GRAMD1C: variants seen among roughly 807,000 people sequenced by gnomAD.
The protein encoded by GRAMD1C is protein Aster-C.
Under a neutral mutation model 97.8 loss-of-function variants are expected in GRAMD1C, and 89 were observed. The ratio of observed to expected loss-of-function variants is 0.91; its 90% CI spans 0.77 to 1.09. The LOEUF (loss-of-function observed/expected upper bound fraction) is 1.09. Ranked by LOEUF, GRAMD1C falls within the 50% of genes least tolerant of loss-of-function variation. The pLI is 0.00. For synonymous variants in GRAMD1C, 256 were observed against 267.0 expected (o/e 0.96, Z 0.40); for missense variants, 740 against 766.4 (o/e 0.97, Z 0.41).
chr3:113,843,097 C>T lies in GRAMD1C; in HGVS notation c.28-1406C>T, dbSNP rs1056081968. Reference sequence around the variant, plus strand: ...TTTTGTTCTTGTTGTTTGTTTGAGACAGGGTTTTGCTTTGCCGGCCAGCCT... The same window carrying T: ...TTTTGTTCTTGTTGTTTGTTTGAGATAGGGTTTTGCTTTGCCGGCCAGCCT... On this transcript the variant is annotated intron_variant, in intron 1 of 17. Coordinates refer to ENST00000358160, the MANE Select transcript of GRAMD1C (RefSeq NM_017577.5). Among the ~76,000 whole-genome samples, 5 of 89,062 alleles carry T rather than the reference C, an allele frequency of 5.6e-5. No individual in the cohort carries two copies. The Admixed American group carries it at 7.0e-4, about 12-fold the overall frequency. The allele number at this position is 89,062 out of a possible 152,430, so 58.4% of individuals were successfully genotyped here.
At chr3:113,848,067 G>A (rs1287212499) in intron 2 of GRAMD1C, among the ~76,000 whole-genome samples, 1 of 152,214 alleles carries the variant, frequency 6.6e-6, no homozygotes, top group Admixed American at 6.5e-5. Context: ...GTTCACTAAT[G>A]TAGAATAATT....
intron 2 of GRAMD1C, among the ~76,000 whole-genome samples, chr3:113,849,307 A>ATTTATTTT (rs1553715122): frequency 1.4e-5 from 2 of 140,936 alleles, no homozygotes; most frequent in African/African-American, 5.2e-5. Flanking sequence ...TTATTTATTT[A>ATTTATTTT]TTTTTTATTG....
chr3:113,850,844 C>A, intron 2 of GRAMD1C: 1 of 408,820 alleles, frequency 2.4e-6, no homozygotes, highest in Non-Finnish European at 4.0e-6. Flanking sequence ...CTCTGTCACC[C>A]AGGCAGGAGT....
At chr3:113,937,798 A>G (rs757000580) in intron 14 of GRAMD1C, among the ~76,000 whole-genome samples, 6 of 152,202 alleles carry the variant, frequency 3.9e-5, no homozygotes, top group Admixed American at 6.5e-5. Context: ...TGAGGTCAGG[A>G]GTTCGAGACC....
At chr3:113,928,273 C>T (rs1052598775) in intron 10 of GRAMD1C, among the ~76,000 whole-genome samples, 20 of 152,012 alleles carry the variant, frequency 1.3e-4, no homozygotes, top group African/African-American at 4.1e-4. Context: ...TTTGTGAGAG[C>T]GGCACACACG....
At chr3:113,830,187 A>C (rs1043219823) in intron 1 of GRAMD1C, among the ~76,000 whole-genome samples, 1 of 151,940 alleles carries the variant, frequency 6.6e-6, no homozygotes, top group Non-Finnish European at 1.5e-5. Context: ...GAAGCTGGCC[A>C]CTCCACCCTA....
Position 113,918,945 on chromosome 3 carries a change from G to A in GRAMD1C, c.1090+3107G>A, listed in dbSNP as rs373643688. ...TCCTGGCCTCAAATGATCCTCCCAC[G>A]TCAGCCTCCCAAAGTGCTGGGCAAG... On this transcript the variant is annotated intron_variant, in intron 10 of 17. Coordinates refer to ENST00000358160, the MANE Select transcript of GRAMD1C (RefSeq NM_017577.5). Among the ~76,000 whole-genome samples, 4 of 152,192 alleles carry A rather than the reference G, an allele frequency of 2.6e-5. No individual in the cohort carries two copies. The East Asian group carries it at 5.8e-4, about 22-fold the overall frequency.
At chr3:113,935,487 A>AAT (rs10554842) in intron 13 of GRAMD1C, among the ~76,000 whole-genome samples, 8,361 of 150,026 alleles carry the variant, frequency 0.056, 304 homozygotes, top group African/African-American at 0.1. Flanking sequence ...ACATGCGAGA[A>AAT]ATATATATAT....
intron 6 of GRAMD1C, among the ~76,000 whole-genome samples, chr3:113,894,803 G>T (rs778802938): frequency 1.5e-4 from 23 of 152,274 alleles, no homozygotes; most frequent in Non-Finnish European, 3.1e-4. Context: ...GATAGCATAT[G>T]TTAGATTCAG....
chr3:113,940,504 A>G (rs1314843050), intron 17 of GRAMD1C, among the ~76,000 whole-genome samples, 159 bp downstream of exon 17: 1 of 152,194 alleles, frequency 6.6e-6, no homozygotes, highest in East Asian at 1.9e-4. Context: ...AGGGTATTAC[A>G]TTTATTATGT....
intron 6 of GRAMD1C, among the ~76,000 whole-genome samples, chr3:113,899,660 A>G (rs1435626587): frequency 6.6e-6 from 1 of 152,164 alleles, no homozygotes. Context: ...GTAATTAACT[A>G]TCTGTAATGT....
Position 113,885,980 on chromosome 3 carries a change from T to G in GRAMD1C, c.540+3148T>G, listed in dbSNP as rs112079222. ...TGCTGGATGCCCTCAGGTTCACCGC[T>G]GACGTTCATTCTGTGCTGAGCCGAA... is the stretch of plus-strand genomic sequence containing the variant. On this transcript the variant is annotated intron_variant, in intron 6 of 17. Transcript: ENST00000358160. 5.1e-5 allele frequency: 81 copies of G among 1,599,198 alleles called. No homozygotes were observed. The South Asian group carries it at 7.6e-4, about 15-fold the overall frequency.
Position 113,908,974 on chromosome 3 carries a change from A to G in GRAMD1C, c.806A>G (p.Glu269Gly). 3 of 1,572,320 alleles carry G rather than the reference A, an allele frequency of 1.9e-6. No homozygotes were observed. Among genetic ancestry groups the G allele is most frequent in the Non-Finnish European group, 2.6e-6 (3 of 1,164,854 alleles). The change falls in exon 9 of 18, where the codon GAG (glutamate) becomes GGG (glycine). Residue 269 changes from glutamate (E) to glycine (G), a missense_variant. Coordinates refer to ENST00000358160, the MANE Select transcript of GRAMD1C (RefSeq NM_017577.5). ...NSSKGGLGKE[E>G]SQNEKQTKKS... ...ACCTTTTAGGGATTAGGCAAAGAGG[A>G]GTCCCAAAATGAGAAACAGACCAAA...
intron 11 of GRAMD1C, 73 bp from the exon 12 acceptor site, chr3:113,933,438 C>T (rs1395204014): frequency 3.9e-6 from 4 of 1,024,334 alleles, no homozygotes; most frequent in Admixed American, 1.9e-5. Flanking sequence ...TACTAATATA[C>T]ATGTTCTAAA....
chr3:113,857,292 T>C (rs1337343694), intron 2 of GRAMD1C, among the ~76,000 whole-genome samples: 1 of 152,178 alleles, frequency 6.6e-6, no homozygotes, highest in South Asian at 2.1e-4. Flanking sequence ...GAGGAAATCA[T>C]TAAGGCTTTC....
intron 1 of GRAMD1C, among the ~76,000 whole-genome samples, chr3:113,832,039 G>GTGTTTTTTTTTTTTTTTT (rs1553713219): frequency 1.3e-5 from 2 of 149,418 alleles, no homozygotes; most frequent in Admixed American, 6.7e-5. Context: ...CAGCAACTTT[G>GTGTTTTTTTTTTTTTTTT]TTTTTTTTGA....
intron 6 of GRAMD1C, among the ~76,000 whole-genome samples, chr3:113,895,928 T>C (rs959617458): frequency 2.6e-5 from 4 of 152,240 alleles, no homozygotes; most frequent in African/African-American, 9.6e-5. Flanking sequence ...TTGAGGTTGA[T>C]GTCAAATAGT....
upstream of GRAMD1C, among the ~76,000 whole-genome samples, chr3:113,837,262 G>A (rs549974404): frequency 3.3e-5 from 5 of 152,254 alleles, no homozygotes; most frequent in African/African-American, 9.6e-5. Context: ...GTTAGCCACT[G>A]TGCCTGGCTT....
At chr3:113,906,062 T>A (rs1266707237) in intron 8 of GRAMD1C, among the ~76,000 whole-genome samples, 1 of 152,300 alleles carries the variant, frequency 6.6e-6, no homozygotes, top group Non-Finnish European at 1.5e-5. Context: ...CATAACATGG[T>A]AATGCAATAC....
Sources: allele counts gnomAD v4.1 joint callset (sites outside exome capture counted in the v4.1 genomes callset), GRCh38; gene constraint gnomAD v4.1.1; transcripts MANE v1.5; gene names NCBI Gene and HGNC (gene_info 2026-07-23, HGNC 2026-07-21).